Variants in OR2L13 observed in about 807,000 individuals in gnomAD.
The protein encoded by OR2L13 is olfactory receptor 2L13.
In OR2L13, 14 loss-of-function variants were observed where a neutral mutation model predicts 15.3. The ratio of observed to expected loss-of-function variants is 0.91; its 90% CI spans 0.60 to 1.43. The LOEUF is 1.43. OR2L13 is among the 40% of genes most tolerant of loss of function. The pLI is 0.00. For missense variants in OR2L13, 367 were observed against 387.9 expected, an observed-to-expected ratio of 0.95 and a Z score of 0.45; for synonymous variants, 152 against 142.9, an observed-to-expected ratio of 1.06 and a Z score of -0.45.
At chr1:248,051,673 A>G in the OR2L13 span, among the ~76,000 whole-genome samples, 1 of 152,002 alleles carries the variant, frequency 6.6e-6, no homozygotes, top group Non-Finnish European at 1.5e-5. Context: ...AGAAGCCCAA[A>G]CCTCAGCATC....
the OR2L13 span, among the ~76,000 whole-genome samples, chr1:247,956,211 C>T: frequency 1.3e-3 from 198 of 152,088 alleles, no homozygotes; most frequent in African/African-American, 4.4e-3. Context: ...ATCCTTTCCC[C>T]ATTGCTTGTT....
chr1:248,019,427 G>A, the OR2L13 span, among the ~76,000 whole-genome samples: 4 of 152,128 alleles, frequency 2.6e-5, no homozygotes, highest in East Asian at 1.9e-4. Flanking sequence ...ATCATAAATC[G>A]AGAAGCCTCT....
the OR2L13 span, among the ~76,000 whole-genome samples, chr1:247,958,421 G>A: frequency 1.3e-5 from 2 of 152,206 alleles, no homozygotes; most frequent in African/African-American, 4.8e-5. Context: ...GTATTCTGTT[G>A]ATTTGGGGTG....
At chr1:247,965,872 C>T in the OR2L13 span, 1 of 1,613,822 alleles carries the variant, frequency 6.2e-7, no homozygotes, top group Non-Finnish European at 8.5e-7. Context: ...TGTGTTTCAG[C>T]TTCCATTCTG....
chr1:248,076,552 G>A, the OR2L13 span, among the ~76,000 whole-genome samples: 4 of 152,050 alleles, frequency 2.6e-5, no homozygotes, highest in East Asian at 1.9e-4. Flanking sequence ...TCCTTGAAAA[G>A]GTCCTTCATA....
chr1:247,947,247 C>CA, the OR2L13 span, among the ~76,000 whole-genome samples: 1 of 152,116 alleles, frequency 6.6e-6, no homozygotes, highest in African/African-American at 2.4e-5. Flanking sequence ...ATTTTGATCA[C>CA]AAAAAACTAT....
the OR2L13 span, among the ~76,000 whole-genome samples, chr1:247,986,354 T>C: frequency 6.6e-6 from 1 of 152,172 alleles, no homozygotes; most frequent in Non-Finnish European, 1.5e-5. Flanking sequence ...CCCCGCACCA[T>C]TTATTAAATA....
At chr1:248,002,451 A>C in the OR2L13 span, among the ~76,000 whole-genome samples, 1 of 152,224 alleles carries the variant, frequency 6.6e-6, no homozygotes, top group South Asian at 2.1e-4. Context: ...TGGGTACTTC[A>C]TGTAAGTGAA....
chr1:247,945,428 A>G, the OR2L13 span, among the ~76,000 whole-genome samples: 1 of 152,124 alleles, frequency 6.6e-6, no homozygotes, highest in African/African-American at 2.4e-5. Context: ...ACTTCCAATT[A>G]TGTGGTCAAT....
At chr1:248,071,135 C>A in the OR2L13 span, among the ~76,000 whole-genome samples, 10 of 152,170 alleles carry the variant, frequency 6.6e-5, no homozygotes, top group South Asian at 2.1e-4. Context: ...ATGAGGCCAA[C>A]ATCATCCTGA....
chr1:248,039,017 C>T, the OR2L13 span: 1 of 1,614,118 alleles, frequency 6.2e-7, no homozygotes, highest in Non-Finnish European at 8.5e-7. Flanking sequence ...TGTCCTTCTA[C>T]TATGCACCCT....
At chr1:248,046,997 A>G in the OR2L13 span, 5 of 152,202 alleles carry the variant, frequency 3.3e-5, no homozygotes, top group African/African-American at 1.2e-4. Context: ...CAGCACTAAT[A>G]ACTGTACTTT....
At chr1:248,090,531 A>G (rs766165632), upstream of OR2L13, among the ~76,000 whole-genome samples, 1 of 152,210 alleles carries the variant, frequency 6.6e-6, no homozygotes, top group Non-Finnish European at 1.5e-5. Context: ...TAATGAAAAC[A>G]TGCAGTTTTT....
the OR2L13 span, among the ~76,000 whole-genome samples, chr1:248,007,790 C>G: frequency 6.6e-6 from 1 of 152,032 alleles, no homozygotes; most frequent in Non-Finnish European, 1.5e-5. Flanking sequence ...ATAACATACA[C>G]TGTGTGCATT....
the OR2L13 span, among the ~76,000 whole-genome samples, chr1:247,961,239 GAC>G: frequency 1.3e-5 from 2 of 152,086 alleles, no homozygotes; most frequent in Admixed American, 6.5e-5. Context: ...ACATCACCAG[GAC>G]ACAGACAGAT....
chr1:247,970,318 C>A, the OR2L13 span, among the ~76,000 whole-genome samples: 11 of 151,838 alleles, frequency 7.2e-5, no homozygotes, highest in Admixed American at 2.0e-4. Flanking sequence ...TGCACATGTA[C>A]CCTAAAACTT....
chr1:248,057,601 A>G, the OR2L13 span, among the ~76,000 whole-genome samples: 1 of 152,152 alleles, frequency 6.6e-6, no homozygotes, highest in Admixed American at 6.5e-5. Flanking sequence ...ACATCTTAAC[A>G]GTATTAACCC....
At chr1:248,075,024 A>AC in the OR2L13 span, among the ~76,000 whole-genome samples, 1 of 151,500 alleles carries the variant, frequency 6.6e-6, no homozygotes, top group African/African-American at 2.4e-5. Context: ...CCTCCCCCAG[A>AC]CCCCCAGCCC....
chr1:248,086,617 A>G, the OR2L13 span, among the ~76,000 whole-genome samples: 3 of 152,078 alleles, frequency 2.0e-5, no homozygotes, highest in African/African-American at 7.2e-5. Flanking sequence ...TGGTGTTTTA[A>G]ATATACAGCT....
Sources: allele counts gnomAD v4.1 joint callset (sites outside exome capture counted in the v4.1 genomes callset), GRCh38; gene constraint gnomAD v4.1.1; transcripts MANE v1.5; gene names NCBI Gene and HGNC (gene_info 2026-07-23, HGNC 2026-07-21).